ATP10A: variants seen among roughly 807,000 people sequenced by gnomAD.
ATP10A encodes the protein phospholipid-transporting ATPase VA.
In ATP10A, 111 loss-of-function variants were observed where a neutral mutation model predicts 147.8. That is an observed-to-expected ratio of 0.75 (90% CI 0.64 to 0.88). The LOEUF (loss-of-function observed/expected upper bound fraction) is 0.88. Among genes scored for constraint, ATP10A ranks in the 40% least tolerant of loss-of-function variants. ATP10A has a pLI of 0.00. For missense variants in ATP10A, 1,927 were observed against 1,959.0 expected (o/e 0.98, Z 0.31); for synonymous variants, 875 against 841.6 (o/e 1.04, Z -0.69).
chr15:25,770,293 T>G (rs1567370735), intron 2 of ATP10A, among the ~76,000 whole-genome samples: 3 of 152,190 alleles, frequency 2.0e-5, no homozygotes, highest in African/African-American at 4.8e-5. Context: ...CCAATCAGCC[T>G]GAGCAGCGAC....
chr15:25,789,432 C>T lies in ATP10A; in HGVS notation c.450-8209G>A, dbSNP rs576564906. On this transcript the variant is annotated intron_variant, in intron 1 of 20. Coordinates refer to ENST00000555815, the MANE Select transcript of ATP10A (RefSeq NM_024490.4). ...AATGTGAAACCAGGACACAGTGAGG[C>T]GAGCCCTAAATGGGAGGATCACCAC... 1.1e-4 allele frequency among the ~76,000 whole-genome samples: 17 copies of T among 152,180 alleles called. No individual in the cohort carries two copies. The South Asian group carries it at 2.9e-3, about 26-fold the overall frequency.
At chr15:25,778,761 A>T (rs1188645164) in intron 2 of ATP10A, among the ~76,000 whole-genome samples, 1 of 152,098 alleles carries the variant, frequency 6.6e-6, no homozygotes, top group Non-Finnish European at 1.5e-5. Context: ...ATTTATATAA[A>T]GCACCACCGA....
intron 2 of ATP10A, among the ~76,000 whole-genome samples, chr15:25,764,181 G>A (rs1888904131): frequency 6.6e-6 from 1 of 152,142 alleles, no homozygotes. Context: ...GAGTGAGGCT[G>A]ATGCTGTTAT....
At chr15:25,711,103 G>A (rs1158820542) in intron 10 of ATP10A, among the ~76,000 whole-genome samples, 1 of 152,092 alleles carries the variant, frequency 6.6e-6, no homozygotes, top group Non-Finnish European at 1.5e-5. Flanking sequence ...AGAATGGGTT[G>A]GGGTGGAGTC....
chr15:25,708,234 G>T lies in ATP10A; in HGVS notation c.2411C>A (p.Ala804Glu). Reference protein sequence around the residue: ...SKTQNYLNVYAAEGLRTLCIA... With the variant: ...SKTQNYLNVYEAEGLRTLCIA... ...GCACAAGGTGCGCAGGCCTTCCGCCGCATACACGTTGAGGTAATTCTGAGT... is the reference window on the plus strand; with the variant it reads ...GCACAAGGTGCGCAGGCCTTCCGCCTCATACACGTTGAGGTAATTCTGAGT... Residue 804 changes from alanine to glutamate, a missense_variant, in exon 11 of 21, where the codon GCG becomes GAG. Physicochemically the swap from Ala to Glu is moderately radical, Grantham distance 107. Transcript: ENST00000555815. The T allele has an allele frequency of 6.2e-7, 1 of 1,614,190 alleles. No homozygotes were observed. The highest frequency in any genetic ancestry group is 8.5e-7 in the Non-Finnish European group (1 of 1,180,036).
intron 1 of ATP10A, among the ~76,000 whole-genome samples, chr15:25,788,170 C>T (rs939579565): frequency 6.6e-6 from 1 of 152,140 alleles, no homozygotes; most frequent in Non-Finnish European, 1.5e-5. Context: ...ATCCCTCCTG[C>T]AGGAAACATG....
intron 3 of ATP10A, among the ~76,000 whole-genome samples, chr15:25,730,859 T>C (rs746781387): frequency 7.9e-5 from 12 of 152,258 alleles, no homozygotes; most frequent in Non-Finnish European, 1.6e-4. Context: ...CAGACTGTTT[T>C]GTGCTGATGT....
rs894066024 is a variant in ATP10A at position 25,717,041 on chromosome 15, C to G, written c.1582-117G>C. ...AAGCTGTAAACAGAACTTCATCTCT[C>G]ATATACATATATGTCATTTTATAAT... On this transcript the variant is annotated intron_variant, in intron 8 of 20. Coordinates refer to ENST00000555815, the MANE Select transcript of ATP10A (RefSeq NM_024490.4). 4.7e-5 allele frequency: 30 copies of G among 636,160 alleles called. 1 individual carries two copies. The highest frequency in any genetic ancestry group is 6.4e-5 in the Non-Finnish European group (27 of 418,832). The allele number at this position is 636,160 out of a possible 1,614,324, so 39.4% of individuals were successfully genotyped here. A position where few individuals can be genotyped will look rare whatever the true frequency, so the allele number is the denominator to read the frequency against.
At position 25,708,376 on chromosome 15, in the gene ATP10A, C is replaced by G; in HGVS notation, c.2345-76G>C. The G allele has an allele frequency of 3.8e-6, 5 of 1,308,284 alleles. No homozygotes were observed. The South Asian group carries it at 6.0e-5, about 16-fold the overall frequency. The allele number at this position is 1,308,284 out of a possible 1,614,324, so 81.0% of individuals were successfully genotyped here. A position where few individuals can be genotyped will look rare whatever the true frequency, so the allele number is the denominator to read the frequency against. On this transcript the variant is annotated intron_variant, in intron 10 of 20. Transcript: ENST00000555815. Reference sequence around the variant, plus strand: ...TGGTCTTCAGACACTCCGAGATTTACCCCACGTCTGTTCGTTACTTGCGAA... The same window carrying G: ...TGGTCTTCAGACACTCCGAGATTTAGCCCACGTCTGTTCGTTACTTGCGAA...
intron 2 of ATP10A, among the ~76,000 whole-genome samples, chr15:25,758,561 A>C: frequency 2.2e-5 from 1 of 46,110 alleles, no homozygotes. Flanking sequence ...CTCCACCCTA[A>C]CTCATTCCGA....
chr15:25,736,663 C>G (rs1164212329), intron 2 of ATP10A, among the ~76,000 whole-genome samples: 1 of 151,940 alleles, frequency 6.6e-6, no homozygotes, highest in East Asian at 1.9e-4. Flanking sequence ...AAAAAAAAAC[C>G]CTGACAACTC....
chr15:25,859,431 G>A (rs1311453712), intron 1 of ATP10A, among the ~76,000 whole-genome samples: 6 of 152,320 alleles, frequency 3.9e-5, no homozygotes, highest in South Asian at 2.1e-4. Flanking sequence ...GCTGTGGGAA[G>A]ATGGCTTCTC....
intron 16 of ATP10A, 48 bp from the exon 17 acceptor site, chr15:25,683,534 G>T: frequency 6.5e-7 from 1 of 1,541,996 alleles, no homozygotes; most frequent in Non-Finnish European, 8.8e-7. Flanking sequence ...TTCAGCCATT[G>T]CTGAGGATTC....
At chr15:25,740,820 C>T (rs556667587) in intron 2 of ATP10A, among the ~76,000 whole-genome samples, 4 of 152,196 alleles carry the variant, frequency 2.6e-5, no homozygotes, top group Admixed American at 2.0e-4. Context: ...CAGCTGCTGC[C>T]CTACAGAATG....
intron 13 of ATP10A, among the ~76,000 whole-genome samples, chr15:25,699,165 A>T (rs1474978097): frequency 1.3e-5 from 2 of 152,234 alleles, no homozygotes; most frequent in East Asian, 3.9e-4. Flanking sequence ...AGTTGGAGGA[A>T]TAACACTACC....
intron 2 of ATP10A, among the ~76,000 whole-genome samples, chr15:25,767,023 C>A (rs1443284440): frequency 1.3e-5 from 2 of 152,030 alleles, no homozygotes; most frequent in African/African-American, 4.8e-5. Flanking sequence ...TCAGCAATTT[C>A]TTTGAAGAGG....
chr15:25,855,450 C>T (rs867975231), intron 1 of ATP10A, among the ~76,000 whole-genome samples: 11 of 152,000 alleles, frequency 7.2e-5, no homozygotes, highest in South Asian at 4.2e-4. Flanking sequence ...GATGCAAAAA[C>T]ACTCAACAAA....
At chr15:25,759,877 A>G (rs188580708) in intron 2 of ATP10A, among the ~76,000 whole-genome samples, 1 of 151,824 alleles carries the variant, frequency 6.6e-6, no homozygotes, top group East Asian at 1.9e-4. Context: ...TCTATGTTTA[A>G]TCAAGATAAT....
At chr15:25,848,849 G>A (rs1321703558) in intron 1 of ATP10A, 1 of 153,700 alleles carries the variant, frequency 6.5e-6, no homozygotes, top group Non-Finnish European at 1.5e-5. Flanking sequence ...CTAAGGGAGG[G>A]CAGTAGCTCC....
Sources: allele counts gnomAD v4.1 joint callset (sites outside exome capture counted in the v4.1 genomes callset), GRCh38; gene constraint gnomAD v4.1.1; transcripts MANE v1.5; gene names NCBI Gene and HGNC (gene_info 2026-07-23, HGNC 2026-07-21).